The following CCSER1 variants were observed in gnomAD, a reference collection of about 807,000 sequenced individuals.
CCSER1 encodes the protein coiled-coil serine rich protein 1.
In CCSER1, 41 loss-of-function variants were observed where a neutral mutation model predicts 82.0. The ratio of observed to expected loss-of-function variants is 0.50; its 90% confidence interval spans 0.39 to 0.65. The LOEUF is 0.65. Ranked by LOEUF, CCSER1 falls within the 30% of genes least tolerant of loss-of-function variation. The pLI is 0.00. For missense variants in CCSER1, 1,119 were observed against 1,064.2 expected (o/e 1.05, Z -0.72); for synonymous variants, 414 against 383.9 (o/e 1.08, Z -0.92).
rs1414780810 is a variant in CCSER1 at position 91,129,269 on chromosome 4, AAT to A, written c.2217+43280_2217+43281del. 5.3e-5 allele frequency among the ~76,000 whole-genome samples: 8 copies of A among 152,182 alleles called. No homozygotes were observed. In the South Asian group the frequency reaches 1.5e-3, roughly 28 times the overall value. ...AAAATAATAAGTAAATAAATAAGAA[AAT>A]ATATGTTTCAATGACCGAAATCCTT... On this transcript the variant is annotated intron_variant, in intron 10 of 10. Coordinates refer to ENST00000509176, the MANE Select transcript of CCSER1 (RefSeq NM_001145065.2).
At chr4:91,110,297 G>GAA (rs75294307) in intron 10 of CCSER1, among the ~76,000 whole-genome samples, 50,023 of 151,588 alleles carry the variant, frequency 0.33, 8,798 homozygotes, top group East Asian at 0.45. Context: ...TCTTCACTAG[G>GAA]AAAAAAATAA....
At chr4:91,360,167 T>C (rs901459799) in intron 10 of CCSER1, among the ~76,000 whole-genome samples, 4 of 151,796 alleles carry the variant, frequency 2.6e-5, no homozygotes, top group Non-Finnish European at 4.4e-5. Context: ...AGTTTTAGGG[T>C]TGACTCTGCT....
At chr4:91,258,537 A>C (rs1200633131) in intron 10 of CCSER1, among the ~76,000 whole-genome samples, 1 of 152,102 alleles carries the variant, frequency 6.6e-6, no homozygotes, top group African/African-American at 2.4e-5. Context: ...TTTAAACATC[A>C]GTTGACTGAT....
In CCSER1 at chr4:91,396,967, G is replaced by A. The variant is rs1752022508; in HGVS notation, c.2218-201605G>A. ...CCCCACAAACACTTCAAACTCTAAAGCCCAAATGCAATTGCCCTCCACAAT... is the reference window on the plus strand; with the variant it reads ...CCCCACAAACACTTCAAACTCTAAAACCCAAATGCAATTGCCCTCCACAAT... On this transcript the variant is annotated intron_variant, in intron 10 of 10. Transcript: ENST00000509176. 3.3e-5 allele frequency among the ~76,000 whole-genome samples: 5 copies of A among 151,898 alleles called. No homozygotes were observed. The Admixed American group carries it at 3.3e-4, about 10-fold the overall frequency.
intron 5 of CCSER1, among the ~76,000 whole-genome samples, chr4:90,538,846 G>C (rs183426052): frequency 4.6e-5 from 7 of 152,100 alleles, no homozygotes; most frequent in African/African-American, 1.2e-4. Context: ...AGGACTTTGT[G>C]AACTGAATCA....
In CCSER1 at chr4:91,408,891, G is replaced by C. The variant is rs146574218; in HGVS notation, c.2218-189681G>C. 2.1e-3 allele frequency among the ~76,000 whole-genome samples: 322 copies of C among 152,282 alleles called. 2 individuals carry two copies. Among genetic ancestry groups the C allele is most frequent in the Middle Eastern group, 0.02 (6 of 294 alleles). Reference sequence around the variant, plus strand: ...ATTTCAGATGAGTAAACCAACCATAGTGTACTCCTGTATTTTATCTAGAAA... The same window carrying C: ...ATTTCAGATGAGTAAACCAACCATACTGTACTCCTGTATTTTATCTAGAAA... On this transcript the variant is annotated intron_variant, in intron 10 of 10. Coordinates refer to ENST00000509176, the MANE Select transcript of CCSER1 (RefSeq NM_001145065.2).
intron 10 of CCSER1, among the ~76,000 whole-genome samples, chr4:91,223,214 AATAG>A (rs1170038067): frequency 1.3e-5 from 2 of 152,274 alleles, no homozygotes; most frequent in South Asian, 2.1e-4. Flanking sequence ...AGGAGCAGGC[AATAG>A]ATAGTGAGTT....
intron 7 of CCSER1, among the ~76,000 whole-genome samples, chr4:90,738,258 T>A (rs1367753980): frequency 6.6e-6 from 1 of 152,104 alleles, no homozygotes; most frequent in Admixed American, 6.5e-5. Flanking sequence ...TTAGGAAGGC[T>A]TTCCAGGTAT....
intron 10 of CCSER1, among the ~76,000 whole-genome samples, chr4:91,131,614 T>TTA (rs1046207174): frequency 1.1e-4 from 17 of 152,056 alleles, no homozygotes; most frequent in African/African-American, 4.1e-4. Flanking sequence ...GTATACATAT[T>TTA]TATATATATT....
intron 5 of CCSER1, among the ~76,000 whole-genome samples, chr4:90,583,869 AT>A (rs1189114422): frequency 6.6e-6 from 1 of 152,154 alleles, no homozygotes; most frequent in African/African-American, 2.4e-5. Flanking sequence ...TAGGGATAAA[AT>A]GTAATTCATG....
At chr4:91,418,688 A>T (rs1753521410) in intron 10 of CCSER1, among the ~76,000 whole-genome samples, 1 of 152,042 alleles carries the variant, frequency 6.6e-6, no homozygotes, top group Admixed American at 6.6e-5. Context: ...CCAAAAAATT[A>T]AAGAAGAAAC....
Position 91,167,435 on chromosome 4 carries a change from C to G in CCSER1, c.2217+81441C>G, listed in dbSNP as rs534332945. ...TCCTGACCTAGTGATCCACCCGTCT[C>G]AGCCTCCCAAAGTGCTGGGATTACA... On this transcript the variant is annotated intron_variant, in intron 10 of 10. Transcript: ENST00000509176. Among the ~76,000 whole-genome samples the G allele has an allele frequency of 3.9e-4, 59 of 152,228 alleles. No homozygotes were observed. In the South Asian group the frequency reaches 6.4e-3, roughly 17 times the overall value.
At chr4:91,026,677 A>G (rs72667522) in intron 9 of CCSER1, among the ~76,000 whole-genome samples, 15,834 of 152,028 alleles carry the variant, frequency 0.1, 873 homozygotes, top group Admixed American at 0.17. Flanking sequence ...TGATCTGATT[A>G]TTCTTCAATT....
chr4:90,217,936 C>A (rs999106902), intron 1 of CCSER1, among the ~76,000 whole-genome samples: 1 of 152,004 alleles, frequency 6.6e-6, no homozygotes, highest in African/African-American at 2.4e-5. Context: ...GCTGAGACTA[C>A]AGACACACAC....
At chr4:91,356,768 A>G (rs1395297265) in intron 10 of CCSER1, among the ~76,000 whole-genome samples, 1 of 152,146 alleles carries the variant, frequency 6.6e-6, no homozygotes, top group Non-Finnish European at 1.5e-5. Context: ...CTCCCCTGCC[A>G]TGAGAGACAA....
At chr4:91,437,727 C>T (rs1278202695) in intron 10 of CCSER1, among the ~76,000 whole-genome samples, 3 of 152,330 alleles carry the variant, frequency 2.0e-5, no homozygotes, top group East Asian at 3.9e-4. Flanking sequence ...CTTCCCTAGT[C>T]AAAGAAAGGG....
At chr4:91,556,830 A>T (rs1269527355) in intron 10 of CCSER1, among the ~76,000 whole-genome samples, 1 of 151,158 alleles carries the variant, frequency 6.6e-6, no homozygotes, top group African/African-American at 2.4e-5. Context: ...AAAATTATTG[A>T]TTTCTTTGAA....
chr4:91,531,964 C>T (rs542718938), intron 10 of CCSER1, among the ~76,000 whole-genome samples: 2 of 152,258 alleles, frequency 1.3e-5, no homozygotes, highest in Admixed American at 6.5e-5. Flanking sequence ...ATTTCTACCT[C>T]GGTCTCCCAA....
intron 1 of CCSER1, among the ~76,000 whole-genome samples, chr4:90,206,973 G>C (rs1738970312): frequency 6.6e-6 from 1 of 151,820 alleles, no homozygotes; most frequent in South Asian, 2.1e-4. Flanking sequence ...TTGGTTCAAA[G>C]TGTTTTATCA....
Sources: gnomAD v4.1 joint callset for allele counts (sites outside exome capture counted in the v4.1 genomes callset) on GRCh38, gnomAD v4.1.1 for gene constraint, MANE v1.5 for transcripts, NCBI Gene and HGNC (gene_info 2026-07-23, HGNC 2026-07-21) for gene names.